The following VWA2 variants were observed in gnomAD, a reference collection of about 807,000 sequenced individuals.
VWA2 encodes the protein von Willebrand factor A domain-containing protein 2.
Under a neutral mutation model 70.4 loss-of-function variants are expected in VWA2, and 73 were observed. That is an observed-to-expected ratio of 1.04 (90% CI 0.86 to 1.26). The LOEUF (loss-of-function observed/expected upper bound fraction) is 1.26, where lower values mean the gene tolerates loss of function less well. Among genes scored for constraint, VWA2 ranks in the 50% most tolerant of loss-of-function variants. The pLI is 0.00. For synonymous variants in VWA2, 407 were observed against 423.3 expected (o/e 0.96, Z 0.47); for missense variants, 1,011 against 998.5 (o/e 1.01, Z -0.17).
At chr10:114,277,286 T>C (rs576009198) in intron 6 of VWA2, among the ~76,000 whole-genome samples, 1 of 148,252 alleles carries the variant, frequency 6.7e-6, no homozygotes, top group East Asian at 2.0e-4. Context: ...CAGGTTCAAG[T>C]GGCTCTCCTG....
chr10:114,240,533 A>G (rs1372052878), intron 1 of VWA2, among the ~76,000 whole-genome samples: 1 of 152,260 alleles, frequency 6.6e-6, no homozygotes, highest in East Asian at 1.9e-4. Context: ...TTCAAATTAC[A>G]AGCTGCTTTA....
rs143771837 is a variant in VWA2, at chr10:114,275,939, ATAAAT to A, written c.567-1971_567-1967del. On this transcript the variant is annotated intron_variant, in intron 6 of 13. Coordinates refer to ENST00000392982, the MANE Select transcript of VWA2 (RefSeq NM_001272046.2). ...GGTGACTCCGTCTCATAAAACAAAA[ATAAAT>A]TAATTAGGGGAAAAATGAAATAAAC... 3.5e-4 allele frequency among the ~76,000 whole-genome samples: 53 copies of A among 152,320 alleles called. No homozygotes were observed. In the East Asian group the frequency reaches 9.2e-3, roughly 27 times the overall value.
chr10:114,282,529 T>C lies in VWA2; in HGVS notation c.847T>C (p.Phe283Leu), dbSNP rs769050713. ...CTTGGATTGTAGCTGGAAGAGAGTG[T>C]TCCTAACCCACCCTGCCACCTGCTA... The part of the protein sequence containing the change: ...HCPFYSWKRV[F>L]LTHPATCYRT... The change falls in exon 9 of 14, where the codon TTC (phenylalanine) becomes CTC (leucine). Residue 283 changes from phenylalanine (F) to leucine (L), a missense_variant. Phe to Leu is a conservative substitution (Grantham distance 22). Coordinates refer to ENST00000392982, the MANE Select transcript of VWA2 (RefSeq NM_001272046.2). 1 of 1,614,062 alleles carries C rather than the reference T, an allele frequency of 6.2e-7. No individual in the cohort carries two copies. The highest frequency in any genetic ancestry group is 8.5e-7 in the Non-Finnish European group (1 of 1,179,950).
intron 9 of VWA2, among the ~76,000 whole-genome samples, chr10:114,282,868 A>G (rs1355245428): frequency 6.6e-6 from 1 of 152,224 alleles, no homozygotes; most frequent in Non-Finnish European, 1.5e-5. Context: ...CAAAGCCAGC[A>G]CCAAACTCAG....
At chr10:114,280,743 T>G (rs1428587986) in intron 8 of VWA2, 1 of 152,116 alleles carries the variant, frequency 6.6e-6, no homozygotes, top group African/African-American at 2.4e-5. Flanking sequence ...ACTTTGTTTT[T>G]ATTATTATTT....
Position 114,266,730 on chromosome 10 carries a change from G to A in VWA2, c.371+5435G>A, listed in dbSNP as rs75843930. Among the ~76,000 whole-genome samples, 729 of 152,226 alleles carry A rather than the reference G, an allele frequency of 4.8e-3. 4 individuals carry two copies. Among genetic ancestry groups the A allele is most frequent in the African/African-American group, 0.017 (701 of 41,540 alleles). ...GCTTGCTCATTTCATTAATCTCATAGTAACACAACCCTGTGTTTACTGTGA... is the reference window on the plus strand; with the variant it reads ...GCTTGCTCATTTCATTAATCTCATAATAACACAACCCTGTGTTTACTGTGA... On this transcript the variant is annotated intron_variant, in intron 5 of 13. Transcript: ENST00000392982.
At chr10:114,246,907 ACT>A (rs1453468996) in intron 1 of VWA2, among the ~76,000 whole-genome samples, 2 of 152,082 alleles carry the variant, frequency 1.3e-5, no homozygotes, top group African/African-American at 4.8e-5. Context: ...TAAACATGAC[ACT>A]CTGAAGTGAA....
intron 1 of VWA2, among the ~76,000 whole-genome samples, chr10:114,242,909 G>A (rs2036999521): frequency 6.6e-6 from 1 of 152,150 alleles, no homozygotes; most frequent in African/African-American, 2.4e-5. Context: ...ACAACACTGG[G>A]GGAGTTTATG....
At chr10:114,277,168 CT>C (rs780326649) in intron 6 of VWA2, among the ~76,000 whole-genome samples, 97 of 61,196 alleles carry the variant, frequency 1.6e-3, no homozygotes, top group African/African-American at 5.0e-3. Flanking sequence ...GACTGCACGT[CT>C]TTTTTTTTTT....
At chr10:114,274,400 C>T (rs1453413349) in intron 6 of VWA2, among the ~76,000 whole-genome samples, 1 of 152,104 alleles carries the variant, frequency 6.6e-6, no homozygotes, top group Non-Finnish European at 1.5e-5. Flanking sequence ...ATTAGGAGGC[C>T]TTTGGCATGG....
Position 114,248,266 on chromosome 10 carries a change from G to C in VWA2, c.-10-438G>C, listed in dbSNP as rs945170052. Among the ~76,000 whole-genome samples the C allele has an allele frequency of 2.6e-5, 4 of 152,308 alleles. 1 individual carries two copies. The highest frequency in any genetic ancestry group is 9.6e-5 in the African/African-American group (4 of 41,558). On this transcript the variant is annotated intron_variant, in intron 1 of 13. Coordinates refer to ENST00000392982, the MANE Select transcript of VWA2 (RefSeq NM_001272046.2). ...CACATTAGAAGGTTTCAGAAGATGA[G>C]GACATTGAAAATCAGATCTTCAGCC...
intron 4 of VWA2, among the ~76,000 whole-genome samples, chr10:114,259,693 G>A (rs973789542): frequency 1.3e-5 from 2 of 151,884 alleles, no homozygotes; most frequent in Middle Eastern, 3.2e-3. Flanking sequence ...CAATATCATT[G>A]ACTGACTAGA....
At position 114,292,140 on chromosome 10, in the gene VWA2, G is replaced by A. The variant is rs1180552361; in HGVS notation, c.*903G>A. Among the ~76,000 whole-genome samples, 1 of 152,052 alleles carries A rather than the reference G, an allele frequency of 6.6e-6. No individual in the cohort carries two copies. The highest frequency in any genetic ancestry group is 1.9e-4 in the East Asian group (1 of 5,176). ...AAAAATACAAAAGGTAGCCGGGGGT[G>A]GTGGTGGATGCCTATAATCCCAGCT... On this transcript the variant is annotated 3_prime_UTR_variant, in exon 14 of 14. Coordinates refer to ENST00000392982, the MANE Select transcript of VWA2 (RefSeq NM_001272046.2).
rs563537579 is a variant in VWA2 at position 114,278,979 on chromosome 10, G to A, written c.833+128G>A. 9.1e-6 allele frequency: 13 copies of A among 1,424,600 alleles called. No individual in the cohort carries two copies. In the East Asian group the frequency reaches 2.8e-4, roughly 30 times the overall value. 88.2% of individuals were successfully genotyped at this position (1,424,600 alleles called of 1,614,324 possible). A position where few individuals can be genotyped will look rare whatever the true frequency, so the allele number is the denominator to read the frequency against. On this transcript the variant is annotated intron_variant, in intron 8 of 13. Coordinates refer to ENST00000392982, the MANE Select transcript of VWA2 (RefSeq NM_001272046.2). The stretch of plus-strand genomic sequence containing the variant: ...CAGGGATCGAAGGAGACCTGGGAGG[G>A]AGCCAGGGACGTAGCCATGGGAGAA...
chr10:114,251,779 C>A (rs1057160987), intron 2 of VWA2, among the ~76,000 whole-genome samples: 1 of 150,268 alleles, frequency 6.7e-6, no homozygotes, highest in Non-Finnish European at 1.5e-5. Flanking sequence ...CAGGAGTTGG[C>A]ATGGTCGTGA....
At chr10:114,269,678 C>A (rs764939100) in intron 5 of VWA2, among the ~76,000 whole-genome samples, 1 of 152,186 alleles carries the variant, frequency 6.6e-6, no homozygotes, top group Non-Finnish European at 1.5e-5. Flanking sequence ...GGGCCAAGGG[C>A]AGACCCCTGT....
rs10787522 is a variant in VWA2, at chr10:114,292,603, G to A, written c.*1366G>A. Among the ~76,000 whole-genome samples, 103,619 of 149,632 alleles carry A rather than the reference G, an allele frequency of 0.69. 38,833 individuals are homozygous for A. The highest frequency in any genetic ancestry group is 0.83 in the Non-Finnish European group (55,981 of 67,708). ...CAAACTAGATACTTACTTCCCTATC[G>A]CTGCAGTATTTAGGAATTACTTCTT... On this transcript the variant is annotated 3_prime_UTR_variant, in exon 14 of 14. Coordinates refer to ENST00000392982, the MANE Select transcript of VWA2 (RefSeq NM_001272046.2).
At chr10:114,266,444 T>G (rs912316151) in intron 5 of VWA2, among the ~76,000 whole-genome samples, 2 of 152,138 alleles carry the variant, frequency 1.3e-5, no homozygotes, top group East Asian at 3.8e-4. Flanking sequence ...AGTGAAATGT[T>G]AGATGCTTGA....
chr10:114,269,459 T>C (rs776337618), intron 5 of VWA2, among the ~76,000 whole-genome samples: 1 of 152,152 alleles, frequency 6.6e-6, no homozygotes, highest in Non-Finnish European at 1.5e-5. Context: ...TGAGTGCCTG[T>C]AGTCCCAGCT....
Sources: allele counts gnomAD v4.1 joint callset (sites outside exome capture counted in the v4.1 genomes callset), GRCh38; gene constraint gnomAD v4.1.1; transcripts MANE v1.5; gene names NCBI Gene and HGNC (gene_info 2026-07-23, HGNC 2026-07-21).